CARS2: variants seen among roughly 807,000 people sequenced by gnomAD.
The protein encoded by CARS2 is cysteinyl-tRNA synthetase 2, mitochondrial.
A neutral mutation model predicts 68.8 loss-of-function variants in CARS2; 52 were observed. That is an observed-to-expected ratio of 0.76 (90% CI 0.61 to 0.95). The LOEUF (loss-of-function observed/expected upper bound fraction) is 0.95. CARS2 is among the 40% of genes least tolerant of loss of function. The pLI, the probability that CARS2 is intolerant of heterozygous loss-of-function variation, is 0.00. For synonymous variants in CARS2, 314 were observed against 303.6 expected, an observed-to-expected ratio of 1.03 and a Z score of -0.36; for missense variants, 780 against 754.2, an observed-to-expected ratio of 1.03 and a Z score of -0.40.
chr13:110,707,143 AAC>A (rs2063979469), upstream of CARS2, among the ~76,000 whole-genome samples: 1 of 150,308 alleles, frequency 6.7e-6, no homozygotes, highest in Non-Finnish European at 1.5e-5. Context: ...CATCCCAGCA[AAC>A]ACTGTCTGCA....
chr13:110,679,441 A>G (rs1480118197), intron 6 of CARS2, among the ~76,000 whole-genome samples: 2 of 151,466 alleles, frequency 1.3e-5, no homozygotes, highest in African/African-American at 2.4e-5. Flanking sequence ...GAGGCAGGAG[A>G]ATCGCTTGAG....
chr13:110,664,748 G>T, intron 8 of CARS2: 1 of 649,722 alleles, frequency 1.5e-6, no homozygotes, highest in Non-Finnish European at 1.9e-6. Context: ...GTAACTGAAG[G>T]CAGGGCCTGT....
chr13:110,685,517 T>C (rs116650512), intron 5 of CARS2, among the ~76,000 whole-genome samples: 100 of 152,310 alleles, frequency 6.6e-4, no homozygotes, highest in African/African-American at 2.2e-3. Context: ...ATTCAATACC[T>C]ACGTATCTTC....
At chr13:110,679,601 G>GAAAGAA (rs1566712613) in intron 6 of CARS2, among the ~76,000 whole-genome samples, 8 of 85,784 alleles carry the variant, frequency 9.3e-5, no homozygotes, top group African/African-American at 4.4e-4. Context: ...GAAAGAAAGA[G>GAAAGAA]AGAGAGAGAG....
exon 1 of CARS2, chr13:110,713,219 G>A: frequency 7.1e-7 from 1 of 1,417,938 alleles, no homozygotes; most frequent in Non-Finnish European, 9.2e-7. Flanking sequence ...TGCCAGTTCT[G>A]TTTCGGGCCC....
rs569235992 is a variant in CARS2, at chr13:110,673,134, G to A, written c.785+3840C>T. ...GGATTCACAGCCAAATTCTACCAGA[G>A]GTACAAGGAGGAGCTGGTACCATTC... On this transcript the variant is annotated intron_variant, in intron 7 of 14. Transcript: ENST00000257347. Among the ~76,000 whole-genome samples the A allele has an allele frequency of 2.1e-3, 316 of 152,240 alleles. 1 individual carries two copies. Among genetic ancestry groups the A allele is most frequent in the African/African-American group, 7.2e-3 (299 of 41,536 alleles).
intron 3 of CARS2, among the ~76,000 whole-genome samples, chr13:110,693,109 CAAAAAA>C (rs776745304): frequency 3.4e-5 from 2 of 59,432 alleles, no homozygotes; most frequent in Non-Finnish European, 5.7e-5. Context: ...GACTCTGTCT[CAAAAAA>C]AAAAAAAAAA....
chr13:110,667,135 G>C (rs2062670111), intron 8 of CARS2, among the ~76,000 whole-genome samples: 1 of 152,178 alleles, frequency 6.6e-6, no homozygotes. Context: ...CCATATTCTA[G>C]TCAGTTCCAA....
intron 9 of CARS2, among the ~76,000 whole-genome samples, chr13:110,657,359 T>C (rs2062397549): frequency 6.6e-6 from 1 of 152,186 alleles, no homozygotes; most frequent in African/African-American, 2.4e-5. Context: ...GCCTTCAAAA[T>C]CCCATTTCCC....
At position 110,670,486 on chromosome 13, in the gene CARS2, TG is replaced by T. The variant is rs2062772150; in HGVS notation, c.786-3014del. Among the ~76,000 whole-genome samples the T allele has an allele frequency of 6.6e-6, 1 of 152,212 alleles. No homozygotes were observed. Among genetic ancestry groups the T allele is most frequent in the Admixed American group, 6.5e-5 (1 of 15,284 alleles). The stretch of plus-strand genomic sequence containing the variant: ...CCAGCAAACTCAACAGACCTGCAGC[TG>T]AGGGTCCTGACTGTTAGAAGGAAAA... On this transcript the variant is annotated intron_variant, in intron 7 of 14. Transcript: ENST00000257347. This position sits in a 1 kb window ranked among gnomAD's most constrained non-coding sequence, Gnocchi z 4.1.
At chr13:110,647,356 G>A in intron 10 of CARS2, 117 bp from the exon 11 acceptor site, 1 of 1,283,126 alleles carries the variant, frequency 7.8e-7, no homozygotes. Context: ...CGGAGAGCGG[G>A]ACATGTGGCT....
chr13:110,680,020 G>A (rs930529068), intron 6 of CARS2, among the ~76,000 whole-genome samples: 3 of 152,124 alleles, frequency 2.0e-5, no homozygotes, highest in African/African-American at 7.2e-5. Context: ...TAAGGAAAAG[G>A]TCCTGCCTTT....
chr13:110,642,455 G>A lies in CARS2; in HGVS notation c.1483C>T (p.Gln495Ter). The change falls in exon 14 of 15, where the codon CAG (glutamine) becomes TAG (stop). Residue 495 changes from glutamine (Q) to a stop codon, truncating the protein, a stop_gained. Coordinates refer to ENST00000257347, the MANE Select transcript of CARS2 (RefSeq NM_024537.4). LOFTEE classifies it high-confidence loss of function. ...GCCAGCGCAAACTGCCGGACCTTCT[G>A]CCGGAACCGCACCAGCTCGTCCACC... Reference protein sequence around the residue: ...GVVDELVRFRQKVRQFALAMP... With the variant: ...GVVDELVRFR 1 of 1,608,614 alleles carries A rather than the reference G, an allele frequency of 6.2e-7. No homozygotes were observed. Among genetic ancestry groups the A allele is most frequent in the South Asian group, 1.1e-5 (1 of 90,084 alleles).
intron 9 of CARS2, among the ~76,000 whole-genome samples, chr13:110,659,458 C>G (rs909148215): frequency 6.6e-6 from 1 of 151,728 alleles, no homozygotes; most frequent in African/African-American, 2.4e-5. Flanking sequence ...CCTAGTCACC[C>G]TCCCAAAACT....
chr13:110,675,934 T>C (rs1224021423), intron 7 of CARS2, among the ~76,000 whole-genome samples: 1 of 152,116 alleles, frequency 6.6e-6, no homozygotes. Flanking sequence ...GGCGGGCGGA[T>C]TACCTGAGGT....
At chr13:110,658,696 G>A (rs1166257806) in intron 9 of CARS2, among the ~76,000 whole-genome samples, 2 of 152,222 alleles carry the variant, frequency 1.3e-5, no homozygotes, top group African/African-American at 4.8e-5. Context: ...GCTGAGGCAG[G>A]TGGATCACCT....
Position 110,651,053 on chromosome 13 carries a change from C to T in CARS2, c.1035G>A (p.Leu345=). The change falls in exon 10 of 15, where the codon CTG becomes CTA. Residue 345 remains leucine (L), a synonymous_variant. Coordinates refer to ENST00000257347, the MANE Select transcript of CARS2 (RefSeq NM_024537.4). The stretch of plus-strand genomic sequence containing the variant: ...GCTCACCTGAGCGGTAGCTGCTCCG[C>T]AGGCAGAAGAACCGGAAGACATCGG... ...FSPDVFRFFC[L]RSSYRSAIDY... is the part of the protein sequence containing the mutation. 2 of 1,613,370 alleles carry T rather than the reference C, an allele frequency of 1.2e-6. No individual in the cohort carries two copies. The highest frequency in any genetic ancestry group is 1.7e-6 in the Non-Finnish European group (2 of 1,179,890).
chr13:110,669,233 G>A (rs1279936823), intron 7 of CARS2, among the ~76,000 whole-genome samples: 3 of 152,178 alleles, frequency 2.0e-5, no homozygotes, highest in Non-Finnish European at 4.4e-5. Flanking sequence ...GGCAGGTCGT[G>A]GGGGACAAGG....
intron 12 of CARS2, 74 bp from the exon 13 acceptor site, chr13:110,644,557 A>G: frequency 6.3e-7 from 1 of 1,593,520 alleles, no homozygotes; most frequent in Non-Finnish European, 8.6e-7. Context: ...TTCAATGTCA[A>G]AAGACAAAGG....
Sources: allele counts gnomAD v4.1 joint callset (sites outside exome capture counted in the v4.1 genomes callset), GRCh38; gene constraint gnomAD v4.1.1; non-coding constraint Gnocchi (gnomAD v3.1); transcripts MANE v1.5; gene names NCBI Gene and HGNC (gene_info 2026-07-23, HGNC 2026-07-21).